BBC3: variants seen among roughly 807,000 people sequenced by gnomAD.
The protein encoded by BBC3 is bcl-2-binding component 3.
A neutral mutation model predicts 18.2 loss-of-function variants in BBC3; 5 were observed. The observed-to-expected ratio is 0.27, with a 90% CI of 0.14 to 0.58. BBC3 has a LOEUF of 0.58. BBC3 is among the 20% of genes least tolerant of loss of function. The pLI, the probability that BBC3 is intolerant of heterozygous loss-of-function variation, is 0.91. For missense variants in BBC3, 224 were observed against 268.9 expected (o/e 0.83, Z 1.17); for synonymous variants, 119 against 128.0 (o/e 0.93, Z 0.47).
chr19:47,227,431 C>T (rs2058846521), intron 2 of BBC3, among the ~76,000 whole-genome samples: 1 of 151,314 alleles, frequency 6.6e-6, no homozygotes, highest in Non-Finnish European at 1.5e-5. Flanking sequence ...ACATCTGTGA[C>T]CTTGGCCTTG....
intron 3 of BBC3, 192 bp from the exon 4 acceptor site, chr19:47,222,110 C>CA: frequency 3.7e-6 from 2 of 545,140 alleles, no homozygotes; most frequent in Non-Finnish European, 6.4e-6. Context: ...AGGCAGAGGA[C>CA]AAACACGGAA....
At chr19:47,226,227 T>G (rs2058816732) in intron 3 of BBC3, among the ~76,000 whole-genome samples, 1 of 151,460 alleles carries the variant, frequency 6.6e-6, no homozygotes, top group Non-Finnish European at 1.5e-5. Flanking sequence ...ACTCACCGGC[T>G]ATAAATAGCC....
intron 3 of BBC3, among the ~76,000 whole-genome samples, chr19:47,225,419 C>A (rs1041503629): frequency 7.3e-5 from 11 of 151,544 alleles, no homozygotes; most frequent in Non-Finnish European, 1.6e-4. Context: ...GTTCAGTGAC[C>A]CTTCATGGCT....
chr19:47,230,408 C>T lies in BBC3; in HGVS notation c.-16+521G>A, dbSNP rs951685873. Among the ~76,000 whole-genome samples the T allele has an allele frequency of 4.0e-5, 6 of 151,296 alleles. No individual in the cohort carries two copies. The highest frequency in any genetic ancestry group is 2.1e-4 in the South Asian group (1 of 4,824). On this transcript the variant is annotated intron_variant, in intron 1 of 3. Coordinates refer to ENST00000439096, the MANE Select transcript of BBC3 (RefSeq NM_014417.5). This position sits in a 1 kb window ranked among gnomAD's most constrained non-coding sequence, Gnocchi z 6.7. ...CCCCCTCCGCTGTCACAGCCCCCCCCACCGCCGCCACGTGCGCCCGCCCCG... is the reference window on the plus strand; with the variant it reads ...CCCCCTCCGCTGTCACAGCCCCCCCTACCGCCGCCACGTGCGCCCGCCCCG...
Position 47,228,786 on chromosome 19 carries a change from C to T in BBC3, c.-15-340G>A, listed in dbSNP as rs2058873635. Among the ~76,000 whole-genome samples, 1 of 152,064 alleles carries T rather than the reference C, an allele frequency of 6.6e-6. No homozygotes were observed. The highest frequency in any genetic ancestry group is 1.5e-5 in the Non-Finnish European group (1 of 67,974). On this transcript the variant is annotated intron_variant, in intron 1 of 3. Transcript: ENST00000439096. This position sits in a 1 kb window ranked among gnomAD's most constrained non-coding sequence, Gnocchi z 5.5. ...AGTCCCACAACACAAACTCACTCCA[C>T]TTGGGACTCACAGCATGGGCTGGTG...
At position 47,228,568 on chromosome 19, in the gene BBC3, G is replaced by A; in HGVS notation, c.-15-122C>T. 1 of 1,008,600 alleles carries A rather than the reference G, an allele frequency of 9.9e-7. No individual in the cohort carries two copies. Among genetic ancestry groups the A allele is most frequent in the Non-Finnish European group, 1.3e-6 (1 of 786,858 alleles). 62.5% of individuals were successfully genotyped at this position (1,008,600 alleles called of 1,614,324 possible). A position where few individuals can be genotyped will look rare whatever the true frequency, so the allele number is the denominator to read the frequency against. ...GGAGGTGTGTGTGCATGCGGAGGGG[G>A]TGACGGCCCCACAGAGACACGCCCA... On this transcript the variant is annotated intron_variant, in intron 1 of 3. Transcript: ENST00000439096. This position sits in a 1 kb window ranked among gnomAD's most constrained non-coding sequence, Gnocchi z 5.5.
rs558173840 is a variant in BBC3, at chr19:47,226,421, C to CA, written c.465+142dup. Reference sequence around the variant, plus strand: ...GCTCTGCGGGCGCGCGATTCCCCCCCACCCACTTACCCCCCACCTGCCTGT... The same window carrying CA: ...GCTCTGCGGGCGCGCGATTCCCCCCCAACCCACTTACCCCCCACCTGCCTGT... On this transcript the variant is annotated intron_variant, in intron 3 of 3. Coordinates refer to ENST00000439096, the MANE Select transcript of BBC3 (RefSeq NM_014417.5). 19 of 568,804 alleles carry CA rather than the reference C, an allele frequency of 3.3e-5. No individual in the cohort carries two copies. In the South Asian group the frequency reaches 4.2e-4, roughly 13 times the overall value. The allele number at this position is 568,804 out of a possible 1,614,324, so 35.2% of individuals were successfully genotyped here. A position where few individuals can be genotyped will look rare whatever the true frequency, so the allele number is the denominator to read the frequency against.
At chr19:47,229,229 C>G (rs1330969087) in intron 1 of BBC3, among the ~76,000 whole-genome samples, 1 of 151,566 alleles carries the variant, frequency 6.6e-6, no homozygotes, top group African/African-American at 2.4e-5. Context: ...ATGCCCCTCT[C>G]CACACACACA....
chr19:47,223,823 G>A (rs1162913957), intron 3 of BBC3, among the ~76,000 whole-genome samples: 1 of 152,092 alleles, frequency 6.6e-6, no homozygotes, highest in Non-Finnish European at 1.5e-5. Flanking sequence ...GTGGCAAAGG[G>A]GGCACATCGG....
rs890481401 is a variant in BBC3 at position 47,226,770 on chromosome 19, G to C, written c.275-16C>G. ...GGCTGAGGACCTTGGAGAGGCAGAG[G>C]GGCGCGGTCAGCACCCACCACCCCT... is the stretch of plus-strand genomic sequence containing the variant. On this transcript the variant is annotated splice_polypyrimidine_tract_variant and intron_variant, in intron 2 of 3. Coordinates refer to ENST00000439096, the MANE Select transcript of BBC3 (RefSeq NM_014417.5). 1 of 1,384,980 alleles carries C rather than the reference G, an allele frequency of 7.2e-7. No individual in the cohort carries two copies. The highest frequency in any genetic ancestry group is 1.5e-5 in the African/African-American group (1 of 65,412). The allele number at this position is 1,384,980 out of a possible 1,614,324, so 85.8% of individuals were successfully genotyped here.
In BBC3 at chr19:47,231,164, C is replaced by T; in HGVS notation, c.-251G>A. On this transcript the variant is annotated 5_prime_UTR_variant, in exon 1 of 4. It introduces an in-frame stop codon into an upstream open reading frame of the 5' UTR. Coordinates refer to ENST00000439096, the MANE Select transcript of BBC3 (RefSeq NM_014417.5). This position sits in a 1 kb window ranked among gnomAD's most constrained non-coding sequence, Gnocchi z 4.0. ...TCGCTGGTGCCGCCGCCGCCGCCGCCAGGCGCCCGCTCGCATGTGGCTCGC... is the reference window on the plus strand; with the variant it reads ...TCGCTGGTGCCGCCGCCGCCGCCGCTAGGCGCCCGCTCGCATGTGGCTCGC... 1 of 984,970 alleles carries T rather than the reference C, an allele frequency of 1.0e-6. No homozygotes were observed. 61.0% of individuals were successfully genotyped at this position (984,970 alleles called of 1,614,324 possible).
Position 47,230,349 on chromosome 19 carries a change from C to G in BBC3, c.-16+580G>C, listed in dbSNP as rs1006293750. ...CGAGACACCTGCAGATCCACAACCCCGCACACGCGCGCTCCCACGGCGGTC... is the reference window on the plus strand; with the variant it reads ...CGAGACACCTGCAGATCCACAACCCGGCACACGCGCGCTCCCACGGCGGTC... On this transcript the variant is annotated intron_variant, in intron 1 of 3. Coordinates refer to ENST00000439096, the MANE Select transcript of BBC3 (RefSeq NM_014417.5). This position sits in a 1 kb window ranked among gnomAD's most constrained non-coding sequence, Gnocchi z 6.7. Among the ~76,000 whole-genome samples the G allele has an allele frequency of 6.6e-6, 1 of 152,016 alleles. No homozygotes were observed. The highest frequency in any genetic ancestry group is 2.1e-4 in the South Asian group (1 of 4,832).
In BBC3 at chr19:47,228,267, G is replaced by T. The variant is rs2058863530; in HGVS notation, c.165C>A (p.Pro55=). ...AAAPAAPTLL[P]AAYLCAPTAP... ...CGGTGGGGGCGCAGAGGTAGGCAGC[G>T]GGCAGCAGGGTGGGGGCGGCGGGGG... Residue 55 remains proline (P), a synonymous_variant, in exon 2 of 4, where the codon CCC becomes CCA. Coordinates refer to ENST00000439096, the MANE Select transcript of BBC3 (RefSeq NM_014417.5). The surrounding 1 kb of genome is among the most constrained non-coding windows in gnomAD (Gnocchi z 5.5). 8.2e-7 allele frequency: 1 copy of T among 1,216,868 alleles called. No homozygotes were observed. Among genetic ancestry groups the T allele is most frequent in the Non-Finnish European group, 1.0e-6 (1 of 978,346 alleles). The allele number at this position is 1,216,868 out of a possible 1,614,324, so 75.4% of individuals were successfully genotyped here.
rs1178907370 is a variant in BBC3, at chr19:47,228,705, G to A, written c.-15-259C>T. On this transcript the variant is annotated intron_variant, in intron 1 of 3. Transcript: ENST00000439096. The surrounding 1 kb of genome is among the most constrained non-coding windows in gnomAD (Gnocchi z 5.5). ...CAGGACGGCTCTCACAGCAAGGACAGGGCTCACACAGGACGGATGGAGGGG... is the reference window on the plus strand; with the variant it reads ...CAGGACGGCTCTCACAGCAAGGACAAGGCTCACACAGGACGGATGGAGGGG... Among the ~76,000 whole-genome samples the A allele has an allele frequency of 1.3e-5, 2 of 152,006 alleles. No individual in the cohort carries two copies. The highest frequency in any genetic ancestry group is 2.9e-5 in the Non-Finnish European group (2 of 67,966).
chr19:47,226,689 C>A lies in BBC3; in HGVS notation c.340G>T (p.Ala114Ser), dbSNP rs552413445. 4.0e-6 allele frequency: 6 copies of A among 1,488,398 alleles called. No individual in the cohort carries two copies. Among genetic ancestry groups the A allele is most frequent in the Non-Finnish European group, 2.7e-6 (3 of 1,121,390 alleles). The allele number at this position is 1,488,398 out of a possible 1,614,324, so 92.2% of individuals were successfully genotyped here. The change falls in exon 3 of 4, where the codon GCT becomes TCT. Residue 114 changes from alanine to serine, a missense_variant. Coordinates refer to ENST00000439096, the MANE Select transcript of BBC3 (RefSeq NM_014417.5). ...GCCTGGGTGGGACCGCCCGCCAGAG[C>A]CCCCGGGGCGCTGGGCACGGGCGAC... ...LESPVPSAPG[A>S]LAGGPTQAAP...
Position 47,228,480 on chromosome 19 carries a change from G to C in BBC3, c.-15-34C>G. The C allele has an allele frequency of 8.1e-7, 1 of 1,230,982 alleles. No homozygotes were observed. Among genetic ancestry groups the C allele is most frequent in the Non-Finnish European group, 1.0e-6 (1 of 987,134 alleles). 76.3% of individuals were successfully genotyped at this position (1,230,982 alleles called of 1,614,324 possible). A position where few individuals can be genotyped will look rare whatever the true frequency, so the allele number is the denominator to read the frequency against. ...CACGGGAGGAGGAGCAGGTCAGCAG[G>C]GAAGTACCAGGGCCCACTGTACCTC... is the stretch of plus-strand genomic sequence containing the variant. On this transcript the variant is annotated intron_variant, in intron 1 of 3. Coordinates refer to ENST00000439096, the MANE Select transcript of BBC3 (RefSeq NM_014417.5). The surrounding 1 kb of genome is among the most constrained non-coding windows in gnomAD (Gnocchi z 5.5).
chr19:47,221,459 A>C lies in BBC3; in HGVS notation c.*343T>G. 2 of 183,050 alleles carry C rather than the reference A, an allele frequency of 1.1e-5. No individual in the cohort carries two copies. Among genetic ancestry groups the C allele is most frequent in the Non-Finnish European group, 1.9e-5 (2 of 104,966 alleles). The allele number at this position is 183,050 out of a possible 1,614,324, so 11.3% of individuals were successfully genotyped here. A position where few individuals can be genotyped will look rare whatever the true frequency, so the allele number is the denominator to read the frequency against. On this transcript the variant is annotated 3_prime_UTR_variant, in exon 4 of 4. Coordinates refer to ENST00000439096, the MANE Select transcript of BBC3 (RefSeq NM_014417.5). Reference sequence around the variant, plus strand: ...CTCCCAGTGTCACCCCTGCAGCTGGAACGGGCACCAGCACAACAGCCTTTC... The same window carrying C: ...CTCCCAGTGTCACCCCTGCAGCTGGCACGGGCACCAGCACAACAGCCTTTC...
upstream of BBC3, chr19:47,232,803 C>G (rs1475853058): frequency 1.5e-5 from 7 of 453,936 alleles, no homozygotes; most frequent in East Asian, 2.5e-4. Context: ...TAGTGTGGGG[C>G]TGGCTGAGTA....
At position 47,230,960 on chromosome 19, in the gene BBC3, C is replaced by G; in HGVS notation, c.-47G>C. Reference sequence around the variant, plus strand: ...GGCATGAACACGCCGGAGGGGGCGGCGGTGGGGGGCGGGCGGCTTCCTTCA... The same window carrying G: ...GGCATGAACACGCCGGAGGGGGCGGGGGTGGGGGGCGGGCGGCTTCCTTCA... On this transcript the variant is annotated 5_prime_UTR_variant, in exon 1 of 4. Coordinates refer to ENST00000439096, the MANE Select transcript of BBC3 (RefSeq NM_014417.5). The surrounding 1 kb of genome is among the most constrained non-coding windows in gnomAD (Gnocchi z 6.7). 2 of 982,998 alleles carry G rather than the reference C, an allele frequency of 2.0e-6. No homozygotes were observed. The highest frequency in any genetic ancestry group is 2.4e-6 in the Non-Finnish European group (2 of 827,748). 60.9% of individuals were successfully genotyped at this position (982,998 alleles called of 1,614,324 possible).
Sources: allele counts gnomAD v4.1 joint callset (sites outside exome capture counted in the v4.1 genomes callset), GRCh38; gene constraint gnomAD v4.1.1; non-coding constraint Gnocchi (gnomAD v3.1); transcripts MANE v1.5; gene names NCBI Gene and HGNC (gene_info 2026-07-23, HGNC 2026-07-21).